Variants in COL8A1 observed in about 807,000 individuals in gnomAD.
The protein encoded by COL8A1 is collagen alpha-1(VIII) chain.
A neutral mutation model predicts 42.7 loss-of-function variants in COL8A1; 21 were observed. The observed-to-expected ratio is 0.49, with a 90% CI of 0.35 to 0.71. The LOEUF (loss-of-function observed/expected upper bound fraction) is 0.71, where lower values mean the gene tolerates loss of function less well. COL8A1 is among the 30% of genes least tolerant of loss of function. COL8A1 has a pLI of 0.01. For missense variants in COL8A1, 788 were observed against 962.4 expected, an observed-to-expected ratio of 0.82 and a Z score of 2.40; for synonymous variants, 367 against 369.1, an observed-to-expected ratio of 0.99 and a Z score of 0.06.
rs1305544239 is a variant in COL8A1, at chr3:99,790,754, C to T, written c.72C>T (p.Leu24=). 6.2e-7 allele frequency: 1 copy of T among 1,614,162 alleles called. No homozygotes were observed. Among genetic ancestry groups the T allele is most frequent in the Non-Finnish European group, 8.5e-7 (1 of 1,180,036 alleles). Residue 24 remains leucine (L), a synonymous_variant, in exon 3 of 4, where the codon CTC becomes CTT. Transcript: ENST00000652472. ...LLTISLSSIR[L]IQAGAYYGIK... is the part of the protein sequence containing the mutation. ...CCATTTCCCTGAGTTCCATCAGGCT[C>T]ATTCAGGCTGGTGCCTACTATGGGA... is the stretch of plus-strand genomic sequence containing the variant.
At position 99,651,579 on chromosome 3, in the gene COL8A1, C is replaced by A. The variant is rs976101529; in HGVS notation, c.-129+12915C>A. On this transcript the variant is annotated intron_variant, in intron 1 of 3. Coordinates refer to ENST00000652472, the MANE Select transcript of COL8A1 (RefSeq NM_020351.4). ...AACAGCCCTTCAGGAATCATCATGC[C>A]AACAGGCCAACCATGCAATAAAATC... 2.6e-5 allele frequency among the ~76,000 whole-genome samples: 4 copies of A among 152,342 alleles called. No homozygotes were observed. In the South Asian group the frequency reaches 8.3e-4, roughly 32 times the overall value.
At chr3:99,640,132 C>T (rs595273) in intron 1 of COL8A1, among the ~76,000 whole-genome samples, 143,366 of 152,268 alleles carry the variant, frequency 0.94, 68,090 homozygotes, top group East Asian at 1. Context: ...ATATATAAAG[C>T]TTCTGTCACG....
intron 1 of COL8A1, among the ~76,000 whole-genome samples, chr3:99,733,579 T>C (rs1025575932): frequency 2.0e-5 from 3 of 152,096 alleles, no homozygotes; most frequent in South Asian, 2.1e-4. Flanking sequence ...TCCAAGTCTT[T>C]GCTATTGTGA....
chr3:99,793,412 TAAC>T (rs1942039673), intron 3 of COL8A1, among the ~76,000 whole-genome samples: 1 of 151,664 alleles, frequency 6.6e-6, no homozygotes, highest in Admixed American at 6.6e-5. Context: ...ATAATTTGGA[TAAC>T]AACTCCAATA....
intron 2 of COL8A1, among the ~76,000 whole-genome samples, chr3:99,755,684 C>A (rs1303598261): frequency 1.3e-5 from 2 of 152,176 alleles, no homozygotes; most frequent in Non-Finnish European, 2.9e-5. Flanking sequence ...CTGAAGAAGG[C>A]AAGGCCATGC....
intron 1 of COL8A1, among the ~76,000 whole-genome samples, chr3:99,714,570 T>C (rs533615549): frequency 6.6e-6 from 1 of 152,110 alleles, no homozygotes; most frequent in African/African-American, 2.4e-5. Context: ...ACTGGCCACC[T>C]GTGAGCAGCT....
At chr3:99,757,417 G>T (rs1163143036) in intron 2 of COL8A1, among the ~76,000 whole-genome samples, 2 of 152,060 alleles carry the variant, frequency 1.3e-5, no homozygotes, top group Non-Finnish European at 2.9e-5. Context: ...ATTTTATGGG[G>T]TCTACATTTC....
intron 1 of COL8A1, among the ~76,000 whole-genome samples, chr3:99,739,458 G>A (rs1045564652): frequency 6.6e-6 from 1 of 152,156 alleles, no homozygotes; most frequent in Admixed American, 6.5e-5. Flanking sequence ...TTCTCCATGA[G>A]GGCCTCGCCC....
chr3:99,664,133 A>G (rs2107304827), intron 1 of COL8A1, among the ~76,000 whole-genome samples: 1 of 152,344 alleles, frequency 6.6e-6, no homozygotes, highest in Admixed American at 6.5e-5. Flanking sequence ...ATGGTTAAAC[A>G]GAATCCACTG....
intron 1 of COL8A1, among the ~76,000 whole-genome samples, chr3:99,648,931 A>G (rs1937745165): frequency 6.6e-6 from 1 of 152,184 alleles, no homozygotes; most frequent in Non-Finnish European, 1.5e-5. Context: ...GAGAGTATAT[A>G]TAGAAATAAA....
chr3:99,710,548 G>A (rs1179892509), intron 1 of COL8A1, among the ~76,000 whole-genome samples: 3 of 152,088 alleles, frequency 2.0e-5, no homozygotes, highest in African/African-American at 7.2e-5. Context: ...GTGGAAATTC[G>A]AGCATAAAGA....
Position 99,789,029 on chromosome 3 carries a change from G to A in COL8A1, c.-3-1651G>A, listed in dbSNP as rs1351468800. ...TATTCATCTTAGTAATCCAAAATGG[G>A]CCTAGCAACTGTTTCTTCATTTTTT... On this transcript the variant is annotated intron_variant, in intron 2 of 3. Transcript: ENST00000652472. Among the ~76,000 whole-genome samples, 5 of 152,184 alleles carry A rather than the reference G, an allele frequency of 3.3e-5. No homozygotes were observed. In the South Asian group the frequency reaches 6.2e-4, roughly 19 times the overall value.
chr3:99,742,458 T>C (rs1034954417), intron 1 of COL8A1, among the ~76,000 whole-genome samples: 1 of 152,204 alleles, frequency 6.6e-6, no homozygotes, highest in Non-Finnish European at 1.5e-5. Flanking sequence ...ATTTGATTCA[T>C]TTCATAAACA....
At chr3:99,736,814 C>T (rs1277251032) in intron 1 of COL8A1, among the ~76,000 whole-genome samples, 1 of 151,348 alleles carries the variant, frequency 6.6e-6, no homozygotes, top group Non-Finnish European at 1.5e-5. Flanking sequence ...GTTGATCTGT[C>T]TAATGTTGAC....
intron 1 of COL8A1, among the ~76,000 whole-genome samples, chr3:99,681,082 A>G (rs918578941): frequency 6.6e-6 from 1 of 152,248 alleles, no homozygotes; most frequent in Admixed American, 6.5e-5. Context: ...GGCATGGGCA[A>G]GGACTTCATG....
chr3:99,737,784 T>C (rs1299787277), intron 1 of COL8A1, among the ~76,000 whole-genome samples: 2 of 152,210 alleles, frequency 1.3e-5, no homozygotes, highest in East Asian at 3.9e-4. Flanking sequence ...CCTTGCTAGG[T>C]TGGGGAAGTT....
At chr3:99,741,866 G>C (rs1435621466) in intron 1 of COL8A1, among the ~76,000 whole-genome samples, 1 of 152,158 alleles carries the variant, frequency 6.6e-6, no homozygotes, top group African/African-American at 2.4e-5. Context: ...CAATGGGAGA[G>C]AACACAGAGG....
chr3:99,764,753 G>A (rs190756857), intron 2 of COL8A1, among the ~76,000 whole-genome samples: 33 of 142,890 alleles, frequency 2.3e-4, no homozygotes, highest in Admixed American at 3.7e-4. Context: ...AGGCCGGAGT[G>A]CAGTGGCGAG....
At chr3:99,732,872 T>A (rs1170325225) in intron 1 of COL8A1, among the ~76,000 whole-genome samples, 1 of 152,056 alleles carries the variant, frequency 6.6e-6, no homozygotes, top group East Asian at 1.9e-4. Context: ...CAAGATACAA[T>A]GGGGGTACAG....
Sources: allele counts gnomAD v4.1 joint callset (sites outside exome capture counted in the v4.1 genomes callset), GRCh38; gene constraint gnomAD v4.1.1; transcripts MANE v1.5; gene names NCBI Gene and HGNC (gene_info 2026-07-23, HGNC 2026-07-21).